Variants in USP32 observed in about 807,000 individuals in gnomAD.
USP32 encodes ubiquitin carboxyl-terminal hydrolase 32.
A neutral mutation model predicts 204.8 loss-of-function variants in USP32; 59 were observed. The ratio of observed to expected loss-of-function variants is 0.29; its 90% CI spans 0.23 to 0.36. USP32 has a LOEUF of 0.36. Among genes scored for constraint, USP32 ranks in the 10% least tolerant of loss-of-function variants. USP32 has a pLI of 1.00. For missense variants in USP32, 1,160 were observed against 1,946.4 expected (o/e 0.60, Z 7.60); for synonymous variants, 517 against 678.4 (o/e 0.76, Z 3.70).
At chr17:60,225,908 C>G (rs1429168277) in intron 13 of USP32, 131 bp downstream of exon 13, 1 of 932,704 alleles carries the variant, frequency 1.1e-6, no homozygotes, top group Non-Finnish European at 1.5e-6. Context: ...GAGCAGAGAT[C>G]GCGCCACTGC....
chr17:60,243,289 G>A (rs537564417), intron 11 of USP32, among the ~76,000 whole-genome samples: 11 of 152,064 alleles, frequency 7.2e-5, no homozygotes, highest in South Asian at 2.1e-4. Context: ...CTACACATAG[G>A]ATCATGTTAT....
chr17:60,269,644 T>G, intron 6 of USP32, 87 bp from the exon 7 acceptor site: 1 of 1,125,620 alleles, frequency 8.9e-7, no homozygotes, highest in Non-Finnish European at 1.2e-6. Context: ...AATGACTCTT[T>G]CCCATAAACT....
intron 7 of USP32, 32 bp downstream of exon 7, chr17:60,269,418 T>G (rs1323352048): frequency 1.3e-6 from 2 of 1,533,164 alleles, no homozygotes; most frequent in African/African-American, 1.4e-5. Flanking sequence ...CTACATAGTT[T>G]GCAATTTTTT....
At chr17:60,354,345 T>C (rs893259841) in intron 1 of USP32, among the ~76,000 whole-genome samples, 4 of 152,140 alleles carry the variant, frequency 2.6e-5, no homozygotes, top group African/African-American at 9.7e-5. Context: ...TGTTATAGGA[T>C]AGGAGTTTCC....
intron 1 of USP32, among the ~76,000 whole-genome samples, chr17:60,411,324 A>AAAATAAAT (rs112375424): frequency 0.071 from 9,778 of 138,502 alleles, 750 homozygotes; most frequent in African/African-American, 0.18. Flanking sequence ...AACTGTCTCA[A>AAAATAAAT]AAATAAATAA....
chr17:60,338,643 T>C (rs1024380507), intron 2 of USP32, among the ~76,000 whole-genome samples: 2 of 152,048 alleles, frequency 1.3e-5, no homozygotes, highest in African/African-American at 4.8e-5. Flanking sequence ...GGTGAGAGGA[T>C]TGCTTGACTT....
chr17:60,324,117 C>T (rs1468929719), intron 2 of USP32, among the ~76,000 whole-genome samples: 1 of 151,952 alleles, frequency 6.6e-6, no homozygotes, highest in African/African-American at 2.4e-5. Context: ...CTTGTCTCTA[C>T]AAAAACATTT....
chr17:60,249,857 T>C (rs376608527), intron 11 of USP32: 3 of 562,082 alleles, frequency 5.3e-6, no homozygotes, highest in Non-Finnish European at 6.5e-6. Flanking sequence ...GATACTTTTT[T>C]TTTTTAACAA....
chr17:60,392,549 G>A (rs1254751501), upstream of USP32: 1 of 415,066 alleles, frequency 2.4e-6, no homozygotes, highest in Non-Finnish European at 4.9e-6. Context: ...GACGGTTAGT[G>A]TGGCAGTTGC....
At chr17:60,199,175 T>C (rs2084608960) in intron 26 of USP32, among the ~76,000 whole-genome samples, 1 of 151,368 alleles carries the variant, frequency 6.6e-6, no homozygotes, top group Non-Finnish European at 1.5e-5. Flanking sequence ...CTCTCAACTA[T>C]AGTTTTCTAG....
At position 60,207,023 on chromosome 17, in the gene USP32, G is replaced by A; in HGVS notation, c.3035C>T (p.Thr1012Ile). The change falls in exon 25 of 34, where the codon ACA (threonine) becomes ATA (isoleucine). Residue 1012 changes from threonine (T) to isoleucine (I), a missense_variant and splice_region_variant. By Grantham distance (89) the Thr-to-Ile change is moderately conservative (BLOSUM62 -1). Around this residue, in one of 8 missense-constraint regions of USP32, gnomAD observed 47 missense variants for 71.1 expected, o/e 0.66. Coordinates refer to ENST00000300896, the MANE Select transcript of USP32 (RefSeq NM_032582.4). The stretch of plus-strand genomic sequence containing the variant: ...AAGGAGTTCTAGTTCTATCTTACCT[G>A]TCTGTGTTGGACTAGAAGCTGAAAT... ...SPISASSPTQ[T>I]DFSSSPSTNE... The A allele has an allele frequency of 1.2e-6, 2 of 1,612,218 alleles. No individual in the cohort carries two copies. The highest frequency in any genetic ancestry group is 1.7e-6 in the Non-Finnish European group (2 of 1,178,834).
intron 31 of USP32, 122 bp downstream of exon 31, chr17:60,183,043 G>A: frequency 1.5e-6 from 2 of 1,351,904 alleles, no homozygotes; most frequent in Non-Finnish European, 2.0e-6. Context: ...ATACAGATAG[G>A]TCTGATTCCA....
chr17:60,298,212 T>TG (rs1414555247), intron 3 of USP32, among the ~76,000 whole-genome samples: 3 of 152,196 alleles, frequency 2.0e-5, no homozygotes, highest in Admixed American at 6.5e-5. Context: ...TGAATATTCA[T>TG]GGCCCCTCCG....
intron 11 of USP32, among the ~76,000 whole-genome samples, chr17:60,251,298 TA>T (rs2086162116): frequency 6.6e-6 from 1 of 152,074 alleles, no homozygotes; most frequent in Non-Finnish European, 1.5e-5. Flanking sequence ...TAATAATAAA[TA>T]ACCGTTTTTA....
At chr17:60,386,802 T>G (rs1213295397) in intron 1 of USP32, among the ~76,000 whole-genome samples, 2 of 152,188 alleles carry the variant, frequency 1.3e-5, no homozygotes, top group African/African-American at 4.8e-5. Context: ...AATATATTTA[T>G]CTCCTCTTGT....
intron 27 of USP32, among the ~76,000 whole-genome samples, chr17:60,196,270 C>CAA (rs749074954): frequency 0.068 from 8,746 of 128,664 alleles, 679 homozygotes; most frequent in African/African-American, 0.18. Flanking sequence ...ATCCCCACGC[C>CAA]AAAAAAAGAA....
chr17:60,268,545 T>C (rs1487287737), intron 7 of USP32, among the ~76,000 whole-genome samples: 1 of 134,152 alleles, frequency 7.5e-6, no homozygotes, highest in Non-Finnish European at 1.5e-5. Flanking sequence ...TGCACTGCAC[T>C]GGACTCCAAC....
intron 11 of USP32, chr17:60,245,636 G>C (rs1015333107): frequency 1.0e-5 from 3 of 286,698 alleles, no homozygotes; most frequent in African/African-American, 4.5e-5. Flanking sequence ...CAAGGGGTCT[G>C]AGGGCAGCTA....
At chr17:60,286,197 A>C (rs2087106652) in intron 5 of USP32, among the ~76,000 whole-genome samples, 1 of 152,134 alleles carries the variant, frequency 6.6e-6, no homozygotes, top group Non-Finnish European at 1.5e-5. Context: ...CAATGGAAAG[A>C]AGAACAGTAG....
Sources: gnomAD v4.1 joint callset for allele counts (sites outside exome capture counted in the v4.1 genomes callset) on GRCh38, gnomAD v4.1.1 for gene constraint, gnomAD v4.1.1 regional missense constraint, MANE v1.5 for transcripts, NCBI Gene and HGNC (gene_info 2026-07-23, HGNC 2026-07-21) for gene names.